RIMS1: variants seen among roughly 807,000 people sequenced by gnomAD.
RIMS1 encodes the protein regulating synaptic membrane exocytosis 1, also known as regulating synaptic membrane exocytosis protein 1.
RIMS1 carries 83 observed loss-of-function variants against 214.1 expected under a neutral mutation model. The observed-to-expected ratio is 0.39, with a 90% CI of 0.32 to 0.47. The LOEUF (loss-of-function observed/expected upper bound fraction) is 0.47. RIMS1 is among the 20% of genes least tolerant of loss of function. The pLI is 0.99. For synonymous variants in RIMS1, 793 were observed against 786.8 expected (o/e 1.01, Z -0.13); for missense variants, 2,050 against 2,161.8 (o/e 0.95, Z 1.03).
intron 27 of RIMS1, among the ~76,000 whole-genome samples, chr6:72,311,762 G>A (rs2095523557): frequency 6.6e-6 from 1 of 152,136 alleles, no homozygotes; most frequent in South Asian, 2.1e-4. Flanking sequence ...TCTGAGGTCA[G>A]GAGTTTAAGA....
intron 6 of RIMS1, among the ~76,000 whole-genome samples, chr6:72,232,110 A>G (rs2062210482): frequency 2.0e-5 from 3 of 151,670 alleles, no homozygotes; most frequent in East Asian, 3.9e-4. Flanking sequence ...ATTAATGATC[A>G]ATTTTTCTTT....
At chr6:72,108,857 C>G (rs529542801) in intron 4 of RIMS1, among the ~76,000 whole-genome samples, 367 of 118,692 alleles carry the variant, frequency 3.1e-3, no homozygotes, top group Non-Finnish European at 4.9e-3. Context: ...CCCCTCCCCC[C>G]ACCCCACCAC....
chr6:72,241,107 G>C lies in RIMS1; in HGVS notation c.1958-1207G>C, dbSNP rs531954618. On this transcript the variant is annotated intron_variant, in intron 9 of 33. Coordinates refer to ENST00000521978, the MANE Select transcript of RIMS1 (RefSeq NM_014989.7). The stretch of plus-strand genomic sequence containing the variant: ...ATATTTACTTTTTACTCTTCAGTGA[G>C]CAAACAATTGGAAAAAATAATTACT... 5.9e-5 allele frequency among the ~76,000 whole-genome samples: 9 copies of C among 152,220 alleles called. No individual in the cohort carries two copies. In the South Asian group the frequency reaches 1.7e-3, roughly 28 times the overall value.
At chr6:72,257,026 A>G (rs2076145732) in intron 16 of RIMS1, among the ~76,000 whole-genome samples, 1 of 152,076 alleles carries the variant, frequency 6.6e-6, no homozygotes, top group Non-Finnish European at 1.5e-5. Context: ...TCATGGATTC[A>G]CAATATATAA....
intron 1 of RIMS1, among the ~76,000 whole-genome samples, chr6:71,946,356 C>A (rs1220339270): frequency 2.0e-5 from 3 of 152,036 alleles, no homozygotes; most frequent in Admixed American, 6.6e-5. Flanking sequence ...AAAGCTGGGG[C>A]CATCACACTA....
At chr6:72,195,457 A>C (rs1355416997) in intron 6 of RIMS1, among the ~76,000 whole-genome samples, 1 of 152,178 alleles carries the variant, frequency 6.6e-6, no homozygotes, top group African/African-American at 2.4e-5. Flanking sequence ...GCTGAATAAG[A>C]CTGAGGACCC....
At chr6:72,391,092 G>A (rs888388611) in intron 30 of RIMS1, among the ~76,000 whole-genome samples, 4 of 152,182 alleles carry the variant, frequency 2.6e-5, no homozygotes, top group Non-Finnish European at 5.9e-5. Context: ...CAAAGTCCAA[G>A]TTAAAATTTA....
At chr6:72,251,162 T>TA in intron 14 of RIMS1, 53 bp from the exon 15 acceptor site, 1 of 1,559,466 alleles carries the variant, frequency 6.4e-7, no homozygotes, top group Non-Finnish European at 8.7e-7. Context: ...TGATTACTAT[T>TA]ACATTATGTT....
At chr6:72,110,055 A>T (rs1442397967) in intron 4 of RIMS1, among the ~76,000 whole-genome samples, 1 of 151,600 alleles carries the variant, frequency 6.6e-6, no homozygotes, top group African/African-American at 2.4e-5. Context: ...TGTTCCATTT[A>T]TCTATATCTC....
At chr6:72,102,996 C>T (rs1418136687) in intron 4 of RIMS1, among the ~76,000 whole-genome samples, 1 of 151,974 alleles carries the variant, frequency 6.6e-6, no homozygotes, top group East Asian at 1.9e-4. Flanking sequence ...TTTATGTTTT[C>T]TTCTTTTTAT....
At chr6:71,890,570 TAAAAAAAAAA>T in intron 1 of RIMS1, among the ~76,000 whole-genome samples, 1 of 81,516 alleles carries the variant, frequency 1.2e-5, no homozygotes, top group Admixed American at 1.2e-4. Context: ...CTCCTTTTTG[TAAAAAAAAAA>T]AAAAAAAAAA....
chr6:72,034,131 T>C (rs1278304915), intron 2 of RIMS1, among the ~76,000 whole-genome samples: 1 of 152,170 alleles, frequency 6.6e-6, no homozygotes, highest in Admixed American at 6.5e-5. Context: ...GTGATTCATT[T>C]ACTGGTAAAA....
chr6:72,298,511 A>G (rs1292083586), intron 26 of RIMS1, among the ~76,000 whole-genome samples: 1 of 152,010 alleles, frequency 6.6e-6, no homozygotes, highest in African/African-American at 2.4e-5. Context: ...TTCAGACAGC[A>G]TTTACTGAGT....
At chr6:71,943,918 A>G (rs561138285) in intron 1 of RIMS1, among the ~76,000 whole-genome samples, 64 of 152,208 alleles carry the variant, frequency 4.2e-4, no homozygotes, top group Admixed American at 1.0e-3. Flanking sequence ...AACTTAAGTT[A>G]TTCTAATATT....
chr6:72,393,667 C>T (rs1204743385), intron 31 of RIMS1, among the ~76,000 whole-genome samples: 1 of 151,814 alleles, frequency 6.6e-6, no homozygotes, highest in Non-Finnish European at 1.5e-5. Flanking sequence ...GTGGAGCTTG[C>T]AGTGAGCCCA....
chr6:72,339,790 G>C (rs1359334938), intron 29 of RIMS1, among the ~76,000 whole-genome samples: 1 of 151,932 alleles, frequency 6.6e-6, no homozygotes, highest in Non-Finnish European at 1.5e-5. Flanking sequence ...AGTCCTTTGG[G>C]TATATACCCA....
At position 72,392,819 on chromosome 6, in the gene RIMS1, C is replaced by CT; in HGVS notation, c.4618+9_4618+10insT. 6.5e-7 allele frequency: 1 copy of CT among 1,549,108 alleles called. No homozygotes were observed. Among genetic ancestry groups the CT allele is most frequent in the Non-Finnish European group, 8.8e-7 (1 of 1,135,230 alleles). ...TGCCACCCCTGCAATGGGTAAGAAT[C>CT]ATTTTTTTTTTCTACAAGAAAATTG... On this transcript the variant is annotated intron_variant, in intron 31 of 33. Coordinates refer to ENST00000521978, the MANE Select transcript of RIMS1 (RefSeq NM_014989.7).
chr6:72,167,357 A>G (rs2046406310), intron 4 of RIMS1, among the ~76,000 whole-genome samples: 1 of 151,974 alleles, frequency 6.6e-6, no homozygotes, highest in Non-Finnish European at 1.5e-5. Context: ...TCCCTGTTTG[A>G]GAGACATTAG....
chr6:72,367,245 T>C (rs571030247), intron 29 of RIMS1, among the ~76,000 whole-genome samples: 5 of 152,172 alleles, frequency 3.3e-5, no homozygotes, highest in Non-Finnish European at 7.4e-5. Context: ...TAAAGTTATA[T>C]TTTTCTTTAA....
Sources: allele counts gnomAD v4.1 joint callset (sites outside exome capture counted in the v4.1 genomes callset), GRCh38; gene constraint gnomAD v4.1.1; transcripts MANE v1.5; gene names NCBI Gene and HGNC (gene_info 2026-07-23, HGNC 2026-07-21).